The following METTL24 variants were observed in gnomAD, a reference collection of about 807,000 sequenced individuals.
The protein encoded by METTL24 is methyltransferase like 24, also known as probable methyltransferase-like protein 24.
In METTL24, 29 loss-of-function variants were observed where a neutral mutation model predicts 32.7. The observed-to-expected ratio is 0.89, with a 90% CI of 0.66 to 1.21. METTL24 has a LOEUF of 1.21. Ranked by LOEUF, METTL24 falls within the 50% of genes most tolerant of loss-of-function variation. The pLI is 0.00. For synonymous variants in METTL24, 163 were observed against 179.5 expected, an observed-to-expected ratio of 0.91 and a Z score of 0.73; for missense variants, 439 against 468.1, an observed-to-expected ratio of 0.94 and a Z score of 0.57.
chr6:110,301,289 C>G (rs190043003), intron 3 of METTL24, among the ~76,000 whole-genome samples: 2 of 152,332 alleles, frequency 1.3e-5, no homozygotes, highest in African/African-American at 4.8e-5. Context: ...CCACTGAAGT[C>G]TCTACCCCAG....
At chr6:110,344,805 T>C (rs956964112) in intron 1 of METTL24, among the ~76,000 whole-genome samples, 2 of 152,176 alleles carry the variant, frequency 1.3e-5, no homozygotes, top group Non-Finnish European at 2.9e-5. Flanking sequence ...GCCTTAAATG[T>C]CAATCCTATA....
Position 110,322,645 on chromosome 6 carries a change from C to T in METTL24, c.417+129G>A. 3.0e-6 allele frequency: 2 copies of T among 658,862 alleles called. 1 individual carries two copies. Among genetic ancestry groups the T allele is most frequent in the Non-Finnish European group, 5.2e-6 (2 of 385,220 alleles). The allele number at this position is 658,862 out of a possible 1,614,324, so 40.8% of individuals were successfully genotyped here. A position where few individuals can be genotyped will look rare whatever the true frequency, so the allele number is the denominator to read the frequency against. On this transcript the variant is annotated intron_variant, in intron 2 of 4. Transcript: ENST00000338882. ...GAGTGGATGAGTTTAAGCAACAATG[C>T]CTCTGAACACACTTCCCCATCAAGT...
chr6:110,337,862 C>A (rs1772269755), intron 1 of METTL24, among the ~76,000 whole-genome samples: 1 of 152,200 alleles, frequency 6.6e-6, no homozygotes. Flanking sequence ...GGTGCTTCAG[C>A]AATTATTACT....
intron 1 of METTL24, among the ~76,000 whole-genome samples, chr6:110,351,108 AC>A (rs1772592982): frequency 6.6e-6 from 1 of 152,022 alleles, no homozygotes; most frequent in African/African-American, 2.4e-5. Context: ...AGTACCAGTT[AC>A]TTGGGAGGCC....
chr6:110,264,760 A>G (rs372491344), intron 4 of METTL24, among the ~76,000 whole-genome samples: 1 of 152,158 alleles, frequency 6.6e-6, no homozygotes, highest in African/African-American at 2.4e-5. Flanking sequence ...AAGAAAATGT[A>G]GCACATATAC....
intron 2 of METTL24, among the ~76,000 whole-genome samples, chr6:110,318,472 A>G (rs1224079335): frequency 6.6e-6 from 1 of 151,642 alleles, no homozygotes; most frequent in Admixed American, 6.6e-5. Context: ...GCATGGTGAA[A>G]CCCCGCCTTT....
intron 1 of METTL24, among the ~76,000 whole-genome samples, chr6:110,334,053 T>TG (rs1180670513): frequency 2.2e-5 from 3 of 137,204 alleles, no homozygotes; most frequent in Non-Finnish European, 3.1e-5. Context: ...AGAAAAAAAG[T>TG]GGGGGGAGGA....
intron 4 of METTL24, among the ~76,000 whole-genome samples, chr6:110,272,388 T>C (rs1770973513): frequency 6.6e-6 from 1 of 152,218 alleles, no homozygotes; most frequent in African/African-American, 2.4e-5. Flanking sequence ...GCATTTAGGA[T>C]GGTTCCATAT....
At chr6:110,292,438 A>C (rs1771336338) in intron 4 of METTL24, among the ~76,000 whole-genome samples, 1 of 152,044 alleles carries the variant, frequency 6.6e-6, no homozygotes, top group Non-Finnish European at 1.5e-5. Context: ...ATATTTTTTC[A>C]TATAAGCCAT....
chr6:110,348,563 A>G (rs890445719), intron 1 of METTL24, among the ~76,000 whole-genome samples: 1 of 152,290 alleles, frequency 6.6e-6, no homozygotes, highest in African/African-American at 2.4e-5. Context: ...GTCAAAGTAC[A>G]TGAAAAATAA....
chr6:110,344,501 G>A (rs2114774331), intron 1 of METTL24, among the ~76,000 whole-genome samples: 1 of 152,162 alleles, frequency 6.6e-6, no homozygotes, highest in East Asian at 1.9e-4. Flanking sequence ...TAAATAGGTA[G>A]TTATATAAAA....
At chr6:110,269,441 G>C (rs1168455344) in intron 4 of METTL24, among the ~76,000 whole-genome samples, 1 of 152,076 alleles carries the variant, frequency 6.6e-6, no homozygotes, top group Non-Finnish European at 1.5e-5. Flanking sequence ...GCATTCCACT[G>C]ATGACTGCAA....
At chr6:110,280,709 A>C (rs1010310716) in intron 4 of METTL24, among the ~76,000 whole-genome samples, 3 of 150,716 alleles carry the variant, frequency 2.0e-5, no homozygotes, top group African/African-American at 7.3e-5. Context: ...GCTAGAATGC[A>C]TGCAGTGATG....
chr6:110,342,721 C>A (rs1772384227), intron 1 of METTL24, among the ~76,000 whole-genome samples: 1 of 152,162 alleles, frequency 6.6e-6, no homozygotes, highest in Admixed American at 6.5e-5. Context: ...TCCCCTCTAC[C>A]CCCAGCCTCT....
intron 1 of METTL24, among the ~76,000 whole-genome samples, chr6:110,329,903 G>T (rs909630204): frequency 6.6e-6 from 1 of 152,224 alleles, no homozygotes; most frequent in African/African-American, 2.4e-5. Flanking sequence ...TGCACAGAGC[G>T]GTTATTTGAG....
At chr6:110,276,941 T>C (rs558494022) in intron 4 of METTL24, among the ~76,000 whole-genome samples, 2 of 152,274 alleles carry the variant, frequency 1.3e-5, no homozygotes, top group East Asian at 3.9e-4. Context: ...ATGACAATCC[T>C]GGGGGAACCA....
In METTL24 at chr6:110,298,990, CAA is replaced by C. The variant is rs1771472390; in HGVS notation, c.716_717del (p.Val239GlyfsTer7). 1 of 1,614,052 alleles carries C rather than the reference CAA, an allele frequency of 6.2e-7. No individual in the cohort carries two copies. Among genetic ancestry groups the C allele is most frequent in the Non-Finnish European group, 8.5e-7 (1 of 1,180,044 alleles). ...GTGTTGCTATGTGGTTTTTGGGCAG[CAA>C]CAGCTGGATGGGGATCCCGCCAGTC... The part of the protein sequence containing the change: ...SIDWRDPHPA[V>X]AAQKPHSNTR... On this transcript the variant is annotated frameshift_variant, in exon 4 of 5. Transcript: ENST00000338882. LOFTEE classifies it high-confidence loss of function.
At chr6:110,310,130 C>T (rs1771694735) in intron 3 of METTL24, among the ~76,000 whole-genome samples, 1 of 152,126 alleles carries the variant, frequency 6.6e-6, no homozygotes, top group Non-Finnish European at 1.5e-5. Context: ...TCTGGAAATG[C>T]TCATGGTAAC....
chr6:110,310,399 T>C (rs901475640), intron 3 of METTL24, among the ~76,000 whole-genome samples: 3 of 152,140 alleles, frequency 2.0e-5, no homozygotes, highest in Admixed American at 2.0e-4. Context: ...CCTTTCACTT[T>C]ATCTACGACT....
Sources: gnomAD v4.1 joint callset for allele counts (sites outside exome capture counted in the v4.1 genomes callset) on GRCh38, gnomAD v4.1.1 for gene constraint, MANE v1.5 for transcripts, NCBI Gene and HGNC (gene_info 2026-07-23, HGNC 2026-07-21) for gene names.